Variants in RASEF observed in about 807,000 individuals in gnomAD.
The protein encoded by RASEF is RAS and EF-hand domain containing.
Under a neutral mutation model 90.1 loss-of-function variants are expected in RASEF, and 68 were observed. That is an observed-to-expected ratio of 0.75 (90% CI 0.62 to 0.92). The LOEUF is 0.92. RASEF is among the 40% of genes least tolerant of loss of function. The pLI is 0.00. For synonymous variants in RASEF, 331 were observed against 345.2 expected (o/e 0.96, Z 0.46); for missense variants, 949 against 937.2 (o/e 1.01, Z -0.16).
intron 1 of RASEF, among the ~76,000 whole-genome samples, chr9:83,057,497 C>G (rs1830122069): frequency 6.6e-6 from 1 of 152,132 alleles, no homozygotes; most frequent in Non-Finnish European, 1.5e-5. Context: ...CAAAAAGCTA[C>G]AGAATAGCAA....
At position 82,992,760 on chromosome 9, in the gene RASEF, T is replaced by C. The variant is rs1587478268; in HGVS notation, c.2040+146A>G. 8.4e-6 allele frequency: 6 copies of C among 711,982 alleles called. No individual in the cohort carries two copies. In the East Asian group the frequency reaches 1.5e-4, roughly 18 times the overall value. The allele number at this position is 711,982 out of a possible 1,614,324, so 44.1% of individuals were successfully genotyped here. On this transcript the variant is annotated intron_variant, in intron 15 of 16. Transcript: ENST00000376447. The stretch of plus-strand genomic sequence containing the variant: ...AAAAGAGGTGGGAGTCATGGCAGTT[T>C]TGCCTGTGTTAAGGACAGATGCCTC...
At chr9:83,059,478 T>C (rs191445528) in intron 1 of RASEF, among the ~76,000 whole-genome samples, 16 of 152,254 alleles carry the variant, frequency 1.1e-4, no homozygotes, top group Admixed American at 9.2e-4. Context: ...AGAATACTGA[T>C]TTATTCTATT....
chr9:83,173,453 G>C, the RASEF span, among the ~76,000 whole-genome samples: 1 of 151,296 alleles, frequency 6.6e-6, no homozygotes, highest in African/African-American at 2.4e-5. Context: ...CTCTGACTGT[G>C]TATTTTCAAA....
intron 4 of RASEF, among the ~76,000 whole-genome samples, chr9:83,014,769 C>G (rs1461136018): frequency 6.6e-6 from 1 of 152,190 alleles, no homozygotes; most frequent in Non-Finnish European, 1.5e-5. Context: ...AGCATCTCTT[C>G]TCAACCTTAA....
chr9:83,199,224 TAAAAAA>T, the RASEF span, among the ~76,000 whole-genome samples: 398 of 118,606 alleles, frequency 3.4e-3, 5 homozygotes, highest in Non-Finnish European at 3.8e-3. Context: ...AGCCCTAATT[TAAAAAA>T]AAAAAAAAAA....
the RASEF span, among the ~76,000 whole-genome samples, chr9:83,208,273 C>T: frequency 6.6e-6 from 1 of 152,166 alleles, no homozygotes; most frequent in Admixed American, 6.5e-5. Flanking sequence ...ACACTACTTT[C>T]CAGCAGAGTG....
At chr9:83,129,782 T>C in the RASEF span, among the ~76,000 whole-genome samples, 1 of 152,188 alleles carries the variant, frequency 6.6e-6, no homozygotes, top group African/African-American at 2.4e-5. Flanking sequence ...ACTCTCCAAG[T>C]AGGGTTGCAG....
chr9:82,983,528 C>T (rs1008671715), intron 16 of RASEF, among the ~76,000 whole-genome samples: 8 of 152,110 alleles, frequency 5.3e-5, no homozygotes, highest in Admixed American at 6.5e-5. Flanking sequence ...ACAAGCTGAA[C>T]GGCTATCTCT....
the RASEF span, among the ~76,000 whole-genome samples, chr9:83,084,731 C>G: frequency 6.6e-6 from 1 of 152,170 alleles, no homozygotes; most frequent in African/African-American, 2.4e-5. Flanking sequence ...GACACCCCCA[C>G]TCTTAAAGCT....
chr9:83,125,437 G>A, the RASEF span, among the ~76,000 whole-genome samples: 17 of 152,100 alleles, frequency 1.1e-4, no homozygotes, highest in Non-Finnish European at 1.6e-4. Flanking sequence ...TAAGCCATTC[G>A]GAATATGGCA....
At chr9:83,142,066 T>C in the RASEF span, among the ~76,000 whole-genome samples, 1 of 152,188 alleles carries the variant, frequency 6.6e-6, no homozygotes, top group Non-Finnish European at 1.5e-5. Flanking sequence ...GAGCTCACCA[T>C]GTCCCTGGCA....
At chr9:83,071,702 G>A in the RASEF span, among the ~76,000 whole-genome samples, 8 of 152,142 alleles carry the variant, frequency 5.3e-5, no homozygotes, top group Admixed American at 3.9e-4. Flanking sequence ...CACTGCACAC[G>A]GCTTCCTTCA....
intron 5 of RASEF, among the ~76,000 whole-genome samples, chr9:83,011,550 CAAAAAAAA>C (rs71363083): frequency 1.4e-4 from 4 of 28,108 alleles, no homozygotes; most frequent in Non-Finnish European, 2.5e-4. Context: ...GACTCCATCT[CAAAAAAAA>C]AAAAAAAAAA....
intron 2 of RASEF, 105 bp from the exon 3 acceptor site, chr9:83,022,531 GAGA>G: frequency 1.3e-6 from 1 of 765,318 alleles, no homozygotes; most frequent in East Asian, 2.5e-5. Flanking sequence ...TACAGATGAA[GAGA>G]AACACCCCAT....
intron 3 of RASEF, among the ~76,000 whole-genome samples, chr9:83,018,955 T>G (rs570135791): frequency 3.3e-5 from 5 of 152,074 alleles, no homozygotes; most frequent in African/African-American, 1.2e-4. Flanking sequence ...CAATTGGATA[T>G]CTACATAAAA....
the RASEF span, among the ~76,000 whole-genome samples, chr9:83,214,749 A>G: frequency 2.6e-5 from 4 of 152,124 alleles, no homozygotes; most frequent in Admixed American, 6.5e-5. Context: ...CATGTAAGAC[A>G]TGGCTTTGTT....
At chr9:83,134,409 C>T in the RASEF span, among the ~76,000 whole-genome samples, 13 of 38,914 alleles carry the variant, frequency 3.3e-4, no homozygotes, top group East Asian at 0.015. Context: ...ATCACAATAG[C>T]GCACACACAC....
chr9:83,077,757 G>A, the RASEF span, among the ~76,000 whole-genome samples: 1 of 152,138 alleles, frequency 6.6e-6, no homozygotes. Context: ...ATTACTCATG[G>A]GAGGGAACCA....
chr9:83,025,264 C>CA (rs1438089241), intron 2 of RASEF, among the ~76,000 whole-genome samples: 1 of 152,146 alleles, frequency 6.6e-6, no homozygotes, highest in Non-Finnish European at 1.5e-5. Context: ...GTCAAAGCAG[C>CA]ACTGCTGAGC....
Sources: allele counts gnomAD v4.1 joint callset (sites outside exome capture counted in the v4.1 genomes callset), GRCh38; gene constraint gnomAD v4.1.1; transcripts MANE v1.5; gene names NCBI Gene and HGNC (gene_info 2026-07-23, HGNC 2026-07-21).